Variants in WASHC4 observed in about 807,000 individuals in gnomAD.
The protein encoded by WASHC4 is WASH complex subunit 4, also known as WASH complex subunit 7.
In WASHC4, 86 loss-of-function variants were observed where a neutral mutation model predicts 166.6. The ratio of observed to expected loss-of-function variants is 0.52; its 90% CI spans 0.43 to 0.62. The LOEUF is 0.62. Among genes scored for constraint, WASHC4 ranks in the 20% least tolerant of loss-of-function variants. The pLI is 0.00. For missense variants in WASHC4, 1,262 were observed against 1,382.4 expected, an observed-to-expected ratio of 0.91 and a Z score of 1.38; for synonymous variants, 446 against 451.6, an observed-to-expected ratio of 0.99 and a Z score of 0.16.
At chr12:105,124,700 C>T (rs764002381) in intron 10 of WASHC4, among the ~76,000 whole-genome samples, 21 of 151,932 alleles carry the variant, frequency 1.4e-4, no homozygotes, top group Non-Finnish European at 2.4e-4. Context: ...AGGCTGGTCT[C>T]GAACTCCTGA....
rs555679807 is a variant in WASHC4, at chr12:105,116,543, G to C, written c.435+815G>C. Among the ~76,000 whole-genome samples the C allele has an allele frequency of 1.7e-4, 26 of 152,242 alleles. No homozygotes were observed. In the East Asian group the frequency reaches 4.8e-3, roughly 28 times the overall value. The stretch of plus-strand genomic sequence containing the variant: ...GTAAGATGAGTAAGTCTAGAGATCT[G>C]ATGTACAACATGAAGATTACAGGTA... On this transcript the variant is annotated intron_variant, in intron 6 of 32. Transcript: ENST00000332180.
Position 105,126,352 on chromosome 12 carries a change from T to A in WASHC4, c.1028T>A (p.Ile343Asn). The change falls in exon 12 of 33, where the codon ATT becomes AAT. Residue 343 changes from isoleucine (I) to asparagine (N), a missense_variant. Transcript: ENST00000332180. The stretch of plus-strand genomic sequence containing the variant: ...AAGTTTTATAAGTCTTTATTGGACA[T>A]TTGTAAGAAGGTAAGAACTTGAAAC... ...DKKFYKSLLD[I>N]CKKVPAITLT... 1 of 1,579,372 alleles carries A rather than the reference T, an allele frequency of 6.3e-7. No individual in the cohort carries two copies. Among genetic ancestry groups the A allele is most frequent in the African/African-American group, 1.3e-5 (1 of 74,334 alleles).
intron 16 of WASHC4, 112 bp from the exon 17 acceptor site, chr12:105,140,787 A>G (rs1882772732): frequency 2.8e-6 from 3 of 1,059,766 alleles, no homozygotes; most frequent in Admixed American, 1.9e-5. Context: ...TGGGGAAAGT[A>G]TTTGTGTATG....
chr12:105,129,241 C>T (rs1881572083), intron 13 of WASHC4, among the ~76,000 whole-genome samples: 1 of 151,940 alleles, frequency 6.6e-6, no homozygotes, highest in Admixed American at 6.6e-5. Flanking sequence ...ACCGCGCCAA[C>T]GCCTGGCTAA....
chr12:105,133,315 C>T (rs1184821765), intron 13 of WASHC4, among the ~76,000 whole-genome samples: 3 of 152,182 alleles, frequency 2.0e-5, no homozygotes, highest in African/African-American at 2.4e-5. Flanking sequence ...GCATGAATTA[C>T]TCATTCATCT....
intron 7 of WASHC4, 135 bp downstream of exon 7, chr12:105,118,663 ATG>A: frequency 2.8e-6 from 2 of 702,456 alleles, no homozygotes; most frequent in South Asian, 3.1e-5. Flanking sequence ...ACACTACTTG[ATG>A]TGTATCATAC....
At chr12:105,148,489 A>G (rs927678376) in intron 24 of WASHC4, 2 of 985,162 alleles carry the variant, frequency 2.0e-6, no homozygotes, top group African/African-American at 3.5e-5. Context: ...TAATGAATGT[A>G]GATTACTGAT....
intron 10 of WASHC4, among the ~76,000 whole-genome samples, chr12:105,124,740 A>G (rs572774449): frequency 1.3e-5 from 2 of 152,256 alleles, no homozygotes; most frequent in South Asian, 2.1e-4. Context: ...CAGCCTCCCA[A>G]AGTCCTGGGA....
At chr12:105,151,356 C>T (rs1883760394) in intron 25 of WASHC4, among the ~76,000 whole-genome samples, 2 of 152,140 alleles carry the variant, frequency 1.3e-5, no homozygotes, top group African/African-American at 2.4e-5. Context: ...TCTTAAGATA[C>T]ACCTATTTCC....
chr12:105,148,753 C>T, intron 24 of WASHC4: 3 of 985,210 alleles, frequency 3.0e-6, no homozygotes, highest in Non-Finnish European at 3.6e-6. Flanking sequence ...ATTAGTAATA[C>T]TTGAGAGTTA....
chr12:105,148,768 G>T, intron 24 of WASHC4: 2 of 985,342 alleles, frequency 2.0e-6, no homozygotes, highest in South Asian at 9.4e-5. Context: ...GAGTTAGTGG[G>T]GTTGGAAATG....
intron 19 of WASHC4, 93 bp from the exon 20 acceptor site, chr12:105,143,034 G>C: frequency 1.3e-6 from 1 of 794,072 alleles, no homozygotes; most frequent in Non-Finnish European, 2.2e-6. Flanking sequence ...TCAGATCGAG[G>C]TTTTGTCTTT....
rs530719325 is a variant in WASHC4 at position 105,118,343 on chromosome 12, G to C, written c.436-103G>C. ...TTTTGGTTAACTGGAGGCTTTATTG[G>C]AAAACTGTTTTGTTTTTGTTAGAGT... On this transcript the variant is annotated intron_variant, in intron 6 of 32. Transcript: ENST00000332180. The C allele has an allele frequency of 8.1e-6, 7 of 862,490 alleles. No individual in the cohort carries two copies. The East Asian group carries it at 1.5e-4, about 19-fold the overall frequency. The allele number at this position is 862,490 out of a possible 1,614,324, so 53.4% of individuals were successfully genotyped here. A position where few individuals can be genotyped will look rare whatever the true frequency, so the allele number is the denominator to read the frequency against.
chr12:105,156,029 T>C (rs147685151), intron 26 of WASHC4, among the ~76,000 whole-genome samples: 109 of 152,252 alleles, frequency 7.2e-4, no homozygotes, highest in African/African-American at 2.5e-3. Context: ...AGGATATCTA[T>C]GAAGGGGTGA....
Position 105,157,246 on chromosome 12 carries a change from G to T in WASHC4, c.2836G>T (p.Asp946Tyr). ...CSSNAIRFVP[D>Y]LEDIVNFEEL... is the part of the protein sequence containing the mutation. ...CAAATTCTTATGTAGATTTGTTCCT[G>T]ATCTTGAAGATATTGTAAATTTTGA... The change falls in exon 28 of 33, where the codon GAT becomes TAT. Residue 946 changes from aspartate to tyrosine, a missense_variant. Asp to Tyr is a radical substitution (Grantham distance 160). Transcript: ENST00000332180. 2 of 1,517,026 alleles carry T rather than the reference G, an allele frequency of 1.3e-6. No individual in the cohort carries two copies. Among genetic ancestry groups the T allele is most frequent in the South Asian group, 2.2e-5 (2 of 88,958 alleles). 94.0% of individuals were successfully genotyped at this position (1,517,026 alleles called of 1,614,324 possible).
At chr12:105,130,773 A>G (rs563308415) in intron 13 of WASHC4, among the ~76,000 whole-genome samples, 1 of 152,348 alleles carries the variant, frequency 6.6e-6, no homozygotes, top group Non-Finnish European at 1.5e-5. Flanking sequence ...ACTGGGGTCC[A>G]AGGTTTGTGG....
At chr12:105,141,140 T>A in intron 17 of WASHC4, 27 bp from the exon 18 acceptor site, 1 of 1,610,242 alleles carries the variant, frequency 6.2e-7, no homozygotes, top group Non-Finnish European at 8.5e-7. Flanking sequence ...CTGCAACTTC[T>A]CTGCCTTTTT....
chr12:105,145,912 T>A (rs746811833), intron 22 of WASHC4, among the ~76,000 whole-genome samples: 10 of 152,100 alleles, frequency 6.6e-5, no homozygotes, highest in Non-Finnish European at 1.3e-4. Context: ...GAATTAGACT[T>A]TCTAAAGTCC....
chr12:105,144,974 T>G (rs1883178679), intron 22 of WASHC4, 102 bp downstream of exon 22: 1 of 1,155,520 alleles, frequency 8.7e-7, no homozygotes, highest in African/African-American at 1.6e-5. Flanking sequence ...TATGTGCTTA[T>G]TTTTTAAGAA....
Sources: gnomAD v4.1 joint callset for allele counts (sites outside exome capture counted in the v4.1 genomes callset) on GRCh38, gnomAD v4.1.1 for gene constraint, MANE v1.5 for transcripts, NCBI Gene and HGNC (gene_info 2026-07-23, HGNC 2026-07-21) for gene names.